The following CALCR variants were observed in gnomAD, a reference collection of about 807,000 sequenced individuals.
CALCR encodes the protein calcitonin receptor.
A neutral mutation model predicts 59.5 loss-of-function variants in CALCR; 47 were observed. The ratio of observed to expected loss-of-function variants is 0.79; its 90% CI spans 0.63 to 1.01. The LOEUF (loss-of-function observed/expected upper bound fraction) is 1.01. CALCR is among the 50% of genes least tolerant of loss of function. The pLI is 0.00. For missense variants in CALCR, 566 were observed against 597.1 expected (o/e 0.95, Z 0.54); for synonymous variants, 213 against 211.3 (o/e 1.01, Z -0.07).
At chr7:93,451,298 T>G (rs28714136) in intron 8 of CALCR, among the ~76,000 whole-genome samples, 2,972 of 152,066 alleles carry the variant, frequency 0.02, 88 homozygotes, top group African/African-American at 0.067. Flanking sequence ...AAAGAAGAGA[T>G]GCAAGGCTTA....
At chr7:93,560,578 A>C (rs1186370455) in intron 2 of CALCR, among the ~76,000 whole-genome samples, 1 of 152,118 alleles carries the variant, frequency 6.6e-6, no homozygotes, top group Non-Finnish European at 1.5e-5. Context: ...TATTTGTTCT[A>C]ATACAACTTT....
chr7:93,533,958 T>A (rs545310290), intron 2 of CALCR, among the ~76,000 whole-genome samples: 5 of 151,892 alleles, frequency 3.3e-5, no homozygotes, highest in Non-Finnish European at 7.4e-5. Context: ...GACCATCTCT[T>A]TATCCCACAT....
At chr7:93,435,805 C>CAA (rs1220712901) in intron 12 of CALCR, 147 bp downstream of exon 12, 111 of 206,154 alleles carry the variant, frequency 5.4e-4, no homozygotes, top group East Asian at 9.8e-4. Context: ...GACTCTGTGT[C>CAA]AAAAAAAATA....
At chr7:93,445,570 A>C (rs1799992232) in intron 8 of CALCR, among the ~76,000 whole-genome samples, 1 of 152,116 alleles carries the variant, frequency 6.6e-6, no homozygotes, top group Non-Finnish European at 1.5e-5. Context: ...TGAAATAGCA[A>C]ATACTGAGCC....
intron 2 of CALCR, among the ~76,000 whole-genome samples, chr7:93,508,412 A>T (rs1029472241): frequency 2.6e-5 from 4 of 151,866 alleles, no homozygotes; most frequent in African/African-American, 4.8e-5. Flanking sequence ...TTTTAAACAA[A>T]TTTTTTTTTA....
At chr7:93,524,142 A>C (rs1341580857) in intron 2 of CALCR, among the ~76,000 whole-genome samples, 3 of 150,174 alleles carry the variant, frequency 2.0e-5, no homozygotes, top group African/African-American at 7.3e-5. Context: ...AATGCCCTTA[A>C]TTTTTGGTCA....
chr7:93,524,210 C>T (rs1403872041), intron 2 of CALCR, among the ~76,000 whole-genome samples: 1 of 147,988 alleles, frequency 6.8e-6, no homozygotes, highest in Non-Finnish European at 1.5e-5. Flanking sequence ...CGCTCTGTTG[C>T]CCAGGCTGGA....
chr7:93,558,287 T>A (rs1465276697), intron 2 of CALCR, among the ~76,000 whole-genome samples: 1 of 152,072 alleles, frequency 6.6e-6, no homozygotes, highest in Non-Finnish European at 1.5e-5. Context: ...TATAAAATTA[T>A]TCTTCCAGTA....
intron 3 of CALCR, 75 bp from the exon 4 acceptor site, chr7:93,479,582 A>C (rs1800749192): frequency 1.7e-5 from 24 of 1,381,420 alleles, no homozygotes; most frequent in Middle Eastern, 1.9e-4. Flanking sequence ...ACAATGAAAA[A>C]GTTTGAAAAC....
intron 9 of CALCR, among the ~76,000 whole-genome samples, chr7:93,439,319 T>C (rs1799849156): frequency 6.6e-6 from 1 of 152,206 alleles, no homozygotes; most frequent in African/African-American, 2.4e-5. Context: ...AGTTTGCTTA[T>C]ACAAAACATG....
At chr7:93,510,479 C>G (rs1801522368) in intron 2 of CALCR, among the ~76,000 whole-genome samples, 1 of 152,152 alleles carries the variant, frequency 6.6e-6, no homozygotes, top group Non-Finnish European at 1.5e-5. Context: ...GTTTTAGTTA[C>G]TTGAGAACAT....
Position 93,426,473 on chromosome 7 carries a change from G to A in CALCR, c.1308C>T (p.Gly436=), listed in dbSNP as rs751428108. The change falls in exon 14 of 14, where the codon GGC becomes GGT. Residue 436 remains glycine (G), a synonymous_variant. Coordinates refer to ENST00000426151, the MANE Select transcript of CALCR (RefSeq NM_001742.4). ...ARAAAAAAEA[G]DIPIYICHQE... ...GATGGCAGATGTAAATTGGGATGTC[G>A]CCAGCCTCCGCAGCAGCGGCTGCAG... 3.7e-6 allele frequency: 6 copies of A among 1,613,404 alleles called. No individual in the cohort carries two copies. The highest frequency in any genetic ancestry group is 5.1e-6 in the Non-Finnish European group (6 of 1,179,400).
intron 9 of CALCR, among the ~76,000 whole-genome samples, chr7:93,442,228 C>T (rs560539357): frequency 3.4e-4 from 52 of 152,278 alleles, no homozygotes; most frequent in African/African-American, 1.2e-3. Context: ...CCATGAGATA[C>T]GCTAGATTCT....
At chr7:93,521,691 C>T (rs1325059418) in intron 2 of CALCR, among the ~76,000 whole-genome samples, 1 of 152,018 alleles carries the variant, frequency 6.6e-6, no homozygotes, top group Non-Finnish European at 1.5e-5. Context: ...GGACTCTTTC[C>T]CATTCAGAAC....
intron 6 of CALCR, among the ~76,000 whole-genome samples, chr7:93,472,153 C>T (rs765039180): frequency 3.3e-5 from 5 of 151,872 alleles, no homozygotes; most frequent in African/African-American, 9.6e-5. Context: ...TGTATGCTCA[C>T]GGAACTTCAA....
intron 7 of CALCR, among the ~76,000 whole-genome samples, chr7:93,465,546 CA>C (rs1800422607): frequency 6.6e-6 from 1 of 151,932 alleles, no homozygotes; most frequent in South Asian, 2.1e-4. Context: ...ACCTGCATAT[CA>C]TCTTGACTAT....
intron 2 of CALCR, among the ~76,000 whole-genome samples, chr7:93,558,505 A>G (rs548623771): frequency 6.8e-4 from 103 of 152,224 alleles, no homozygotes; most frequent in African/African-American, 2.4e-3. Context: ...GTTTCTCTGT[A>G]TTTCTCAAAG....
intron 11 of CALCR, among the ~76,000 whole-genome samples, chr7:93,436,955 C>T (rs960452274): frequency 6.6e-6 from 1 of 152,088 alleles, no homozygotes; most frequent in African/African-American, 2.4e-5. Context: ...CATATTTGCA[C>T]GGGCAGCTCT....
intron 2 of CALCR, among the ~76,000 whole-genome samples, chr7:93,531,222 C>T (rs1029818287): frequency 4.6e-5 from 7 of 151,830 alleles, no homozygotes; most frequent in Admixed American, 6.6e-5. Context: ...AATTTAATTA[C>T]GAATTTCTCA....
Sources: allele counts gnomAD v4.1 joint callset (sites outside exome capture counted in the v4.1 genomes callset), GRCh38; gene constraint gnomAD v4.1.1; transcripts MANE v1.5; gene names NCBI Gene and HGNC (gene_info 2026-07-23, HGNC 2026-07-21).